The following OXNAD1 variants were observed in gnomAD, a reference collection of about 807,000 sequenced individuals.
OXNAD1 encodes oxidoreductase NAD binding domain containing 1.
OXNAD1 carries 34 observed loss-of-function variants against 32.9 expected under a neutral mutation model. The ratio of observed to expected loss-of-function variants is 1.03; its 90% CI spans 0.79 to 1.38. OXNAD1 has a LOEUF of 1.38. Among genes scored for constraint, OXNAD1 ranks in the 40% most tolerant of loss-of-function variants. The pLI is 0.00. For synonymous variants in OXNAD1, 134 were observed against 135.2 expected (o/e 0.99, Z 0.06); for missense variants, 407 against 379.4 (o/e 1.07, Z -0.60).
At chr3:16,278,527 G>A (rs1157196993) in intron 4 of OXNAD1, among the ~76,000 whole-genome samples, 5 of 152,296 alleles carry the variant, frequency 3.3e-5, no homozygotes, top group African/African-American at 9.6e-5. Context: ...TATGCCTCTC[G>A]TTCCTGGTGT....
Position 16,329,408 on chromosome 3 carries a change from G to A in OXNAD1, c.*31-7704G>A, listed in dbSNP as rs2070070675. 6.6e-6 allele frequency among the ~76,000 whole-genome samples: 1 copy of A among 152,204 alleles called. No homozygotes were observed. Among genetic ancestry groups the A allele is most frequent in the Non-Finnish European group, 1.5e-5 (1 of 68,032 alleles). The stretch of plus-strand genomic sequence containing the variant: ...GAAGGGAGGAGGGAAGGGAGGAAAG[G>A]AGAGAGAGGTACAAGAATAATCCGT... On this transcript the variant is annotated intron_variant, in intron 9 of 9. Transcript: ENST00000435829. The surrounding 1 kb of genome is among the most constrained non-coding windows in gnomAD (Gnocchi z 4.5).
At chr3:16,349,556 C>A (rs751007260) in exon 10 of OXNAD1, 8 of 152,236 alleles carry the variant, frequency 5.3e-5, no homozygotes, top group Non-Finnish European at 1.2e-4. Flanking sequence ...CACACGTATA[C>A]ACATACGCCA....
rs1184957863 is a variant in OXNAD1, at chr3:16,336,963, TC to T, written c.*31-146del. The T allele has an allele frequency of 6.6e-6, 1 of 152,246 alleles. No individual in the cohort carries two copies. Among genetic ancestry groups the T allele is most frequent in the Non-Finnish European group, 1.5e-5 (1 of 68,052 alleles). The allele number at this position is 152,246 out of a possible 1,614,324, so 9.4% of individuals were successfully genotyped here. A position where few individuals can be genotyped will look rare whatever the true frequency, so the allele number is the denominator to read the frequency against. On this transcript the variant is annotated intron_variant, in intron 9 of 9. Transcript: ENST00000435829. The surrounding 1 kb of genome is among the most constrained non-coding windows in gnomAD (Gnocchi z 6.0). ...CTTTCCAACACAGCTCGGCAGCTCC[TC>T]CCATAAGAGGGAGAGTCCCTCTGGT...
chr3:16,303,838 A>G lies in OXNAD1; in HGVS notation c.*276A>G. On this transcript the variant is annotated 3_prime_UTR_variant, in exon 9 of 9. Coordinates refer to ENST00000285083, the MANE Select transcript of OXNAD1 (RefSeq NM_138381.5). The surrounding 1 kb of genome is among the most constrained non-coding windows in gnomAD (Gnocchi z 4.8). Reference sequence around the variant, plus strand: ...ATGATGTACCATGATTGGTCAGTATAGATTTTTCTTTTGTCTTTAGGCAAA... The same window carrying G: ...ATGATGTACCATGATTGGTCAGTATGGATTTTTCTTTTGTCTTTAGGCAAA... 1 of 239,150 alleles carries G rather than the reference A, an allele frequency of 4.2e-6. No individual in the cohort carries two copies. The highest frequency in any genetic ancestry group is 8.0e-6 in the Non-Finnish European group (1 of 124,418). 14.8% of individuals were successfully genotyped at this position (239,150 alleles called of 1,614,324 possible). A position where few individuals can be genotyped will look rare whatever the true frequency, so the allele number is the denominator to read the frequency against.
At position 16,345,630 on chromosome 3, in the gene OXNAD1, A is replaced by G. The variant is rs1247495287; in HGVS notation, c.*31-3546A>G. On this transcript the variant is annotated intron_variant, in intron 9 of 9. Transcript: ENST00000606098. This position sits in a 1 kb window ranked among gnomAD's most constrained non-coding sequence, Gnocchi z 5.2. ...TCTGCCCTTGTTGCTCCTGGTTCTC[A>G]GGGCTTGGGACCTGGACTGGAGTCC... Among the ~76,000 whole-genome samples the G allele has an allele frequency of 6.6e-6, 1 of 152,066 alleles. No individual in the cohort carries two copies. Among genetic ancestry groups the G allele is most frequent in the African/African-American group, 2.4e-5 (1 of 41,404 alleles).
rs79053641 is a variant in OXNAD1, at chr3:16,284,049, T to C, written c.184-2293T>C. Among the ~76,000 whole-genome samples the C allele has an allele frequency of 6.6e-6, 1 of 152,118 alleles. No individual in the cohort carries two copies. The highest frequency in any genetic ancestry group is 1.5e-5 in the Non-Finnish European group (1 of 68,020). On this transcript the variant is annotated intron_variant, in intron 4 of 8. Transcript: ENST00000285083. The surrounding 1 kb of genome is among the most constrained non-coding windows in gnomAD (Gnocchi z 4.1). ...GCTATAGAAGAGCTGATTGTCTCAG[T>C]AGAGGAAGAGACGAAAGGCAAGATT...
chr3:16,331,062 A>G (rs561629704), intron 9 of OXNAD1, among the ~76,000 whole-genome samples: 1 of 152,348 alleles, frequency 6.6e-6, no homozygotes, highest in East Asian at 1.9e-4. Context: ...CTTGTCTGAA[A>G]GGTGCTTGAG....
Position 16,271,139 on chromosome 3 carries a change from TG to T in OXNAD1, c.119+71del, listed in dbSNP as rs2064904254. ...AAGAGACCCGACCTGCTGATGGTTG[TG>T]GGAGGCATATCAAACTCCCGGAAAG... On this transcript the variant is annotated intron_variant, in intron 3 of 8. Coordinates refer to ENST00000285083, the MANE Select transcript of OXNAD1 (RefSeq NM_138381.5). This position sits in a 1 kb window ranked among gnomAD's most constrained non-coding sequence, Gnocchi z 4.6. 1.9e-6 allele frequency: 3 copies of T among 1,558,352 alleles called. No homozygotes were observed. Among genetic ancestry groups the T allele is most frequent in the Middle Eastern group, 1.7e-4 (1 of 5,716 alleles).
At chr3:16,282,434 T>C (rs1194575301) in intron 4 of OXNAD1, among the ~76,000 whole-genome samples, 1 of 152,134 alleles carries the variant, frequency 6.6e-6, no homozygotes, top group African/African-American at 2.4e-5. Flanking sequence ...TTTAAGTGAC[T>C]TAAAGTTCAA....
chr3:16,309,347 C>T (rs925674181), downstream of OXNAD1, among the ~76,000 whole-genome samples: 1 of 152,096 alleles, frequency 6.6e-6, no homozygotes, highest in Non-Finnish European at 1.5e-5. Context: ...ACCAAGTTAC[C>T]CTATAAAATG....
downstream of OXNAD1, among the ~76,000 whole-genome samples, chr3:16,307,430 A>T (rs895486580): frequency 2.0e-5 from 3 of 152,160 alleles, no homozygotes; most frequent in African/African-American, 7.2e-5. Flanking sequence ...TTCATAGAGG[A>T]TGGATTGGCT....
At chr3:16,306,527 G>T (rs1278783242), downstream of OXNAD1, among the ~76,000 whole-genome samples, 1 of 142,968 alleles carries the variant, frequency 7.0e-6, no homozygotes, top group African/African-American at 2.7e-5. Flanking sequence ...TCCGAATATT[G>T]CATTAGGTTA....
intron 5 of OXNAD1, among the ~76,000 whole-genome samples, chr3:16,293,904 T>G (rs1274259217): frequency 6.6e-6 from 1 of 152,220 alleles, no homozygotes; most frequent in Non-Finnish European, 1.5e-5. Context: ...TCTTGACTAT[T>G]GAGATGATCA....
In OXNAD1 at chr3:16,320,404, T is replaced by A. The variant is rs1205761089; in HGVS notation, c.*31-16708T>A. Among the ~76,000 whole-genome samples the A allele has an allele frequency of 6.6e-6, 1 of 152,226 alleles. No homozygotes were observed. The highest frequency in any genetic ancestry group is 1.9e-4 in the East Asian group (1 of 5,206). ...TTTTCTTAAGTTTTAATGCTAGACATACTATGTGTGTCCTCGCTAAGAAGC... is the reference window on the plus strand; with the variant it reads ...TTTTCTTAAGTTTTAATGCTAGACAAACTATGTGTGTCCTCGCTAAGAAGC... On this transcript the variant is annotated intron_variant, in intron 9 of 9. Transcript: ENST00000435829. The surrounding 1 kb of genome is among the most constrained non-coding windows in gnomAD (Gnocchi z 4.5).
chr3:16,324,614 C>CCT (rs1049623877), intron 9 of OXNAD1, among the ~76,000 whole-genome samples: 2 of 34,662 alleles, frequency 5.8e-5, no homozygotes, highest in South Asian at 7.0e-4. Context: ...ATGTCCCTGA[C>CCT]CCCCCCCCTT....
chr3:16,273,857 A>G (rs1157448118), intron 4 of OXNAD1, among the ~76,000 whole-genome samples: 4 of 152,182 alleles, frequency 2.6e-5, no homozygotes, highest in East Asian at 1.9e-4. Flanking sequence ...CATTTTTCAA[A>G]TTTGTGTGGA....
rs556671859 is a variant in OXNAD1, at chr3:16,316,301, A to G, written c.*30+12709A>G. ...GGAGGCGGAGCACCTCCCCTCCCCA[A>G]TGTCATTTTCTTTGTCAAAGCAGAA... On this transcript the variant is annotated intron_variant, in intron 9 of 9. Coordinates refer to the OXNAD1 transcript ENST00000435829. This position sits in a 1 kb window ranked among gnomAD's most constrained non-coding sequence, Gnocchi z 4.5. 2.5e-4 allele frequency: 40 copies of G among 161,164 alleles called. No homozygotes were observed. The South Asian group carries it at 2.8e-3, about 11-fold the overall frequency. The allele number at this position is 161,164 out of a possible 1,614,324, so 10.0% of individuals were successfully genotyped here.
chr3:16,306,227 T>TAGAG (rs982825650), downstream of OXNAD1: 7 of 152,362 alleles, frequency 4.6e-5, no homozygotes, highest in Non-Finnish European at 1.0e-4. Context: ...TATGACAAAG[T>TAGAG]AGAGATAGTA....
intron 1 of OXNAD1, among the ~76,000 whole-genome samples, chr3:16,268,845 A>G (rs1424377315): frequency 6.6e-6 from 1 of 152,236 alleles, no homozygotes; most frequent in Non-Finnish European, 1.5e-5. Context: ...TAACTGTGTC[A>G]TTCTAGCCTT....
Sources: allele counts gnomAD v4.1 joint callset (sites outside exome capture counted in the v4.1 genomes callset), GRCh38; gene constraint gnomAD v4.1.1; non-coding constraint Gnocchi (gnomAD v3.1); transcripts MANE v1.5; gene names NCBI Gene and HGNC (gene_info 2026-07-23, HGNC 2026-07-21).